Variants in NEK7 observed in about 807,000 individuals in gnomAD.
NEK7 encodes the protein serine/threonine-protein kinase Nek7.
In NEK7, 18 loss-of-function variants were observed where a neutral mutation model predicts 44.6. The ratio of observed to expected loss-of-function variants is 0.40; its 90% confidence interval spans 0.28 to 0.60. The LOEUF (loss-of-function observed/expected upper bound fraction) is 0.60. Among genes scored for constraint, NEK7 ranks in the 20% least tolerant of loss-of-function variants. The pLI is 0.38. For synonymous variants in NEK7, 130 were observed against 121.1 expected (o/e 1.07, Z -0.48); for missense variants, 256 against 366.5 (o/e 0.70, Z 2.46).
At chr1:198,188,547 T>C (rs1286754256) in intron 1 of NEK7, among the ~76,000 whole-genome samples, 1 of 152,070 alleles carries the variant, frequency 6.6e-6, no homozygotes, top group Non-Finnish European at 1.5e-5. Flanking sequence ...GCAGTTGTAC[T>C]GAAGTCCCTG....
chr1:198,314,318 C>T (rs1025955419), intron 9 of NEK7, among the ~76,000 whole-genome samples: 6 of 152,106 alleles, frequency 3.9e-5, no homozygotes, highest in African/African-American at 9.7e-5. Context: ...AATGGTTATT[C>T]TAGTTATACA....
chr1:198,300,890 A>C (rs1654862723), intron 9 of NEK7, among the ~76,000 whole-genome samples: 1 of 152,178 alleles, frequency 6.6e-6, no homozygotes. Context: ...TCTTTTATTG[A>C]TATTACTTTC....
intron 9 of NEK7, among the ~76,000 whole-genome samples, chr1:198,301,423 G>A (rs778624809): frequency 5.3e-4 from 80 of 152,314 alleles, no homozygotes; most frequent in Non-Finnish European, 2.4e-4. Context: ...GGTGGCGGGC[G>A]CCTGTAGTCC....
intron 2 of NEK7, among the ~76,000 whole-genome samples, chr1:198,251,749 A>G (rs564253696): frequency 4.2e-4 from 63 of 151,668 alleles, no homozygotes; most frequent in South Asian, 1.0e-3. Context: ...TATTGCGTCT[A>G]TTTGATTCTT....
At chr1:198,197,842 CT>C in intron 1 of NEK7, 1 of 864,388 alleles carries the variant, frequency 1.2e-6, no homozygotes, top group Non-Finnish European at 2.0e-6. Flanking sequence ...GCTTGTGCAT[CT>C]TTTTGTGAGC....
chr1:198,288,954 A>G (rs1241890863), intron 7 of NEK7, among the ~76,000 whole-genome samples: 1 of 152,192 alleles, frequency 6.6e-6, no homozygotes, highest in Non-Finnish European at 1.5e-5. Context: ...TTTATTTTAT[A>G]AATGTCTTTT....
At chr1:198,195,151 C>A (rs1413350329) in intron 1 of NEK7, among the ~76,000 whole-genome samples, 1 of 152,026 alleles carries the variant, frequency 6.6e-6, no homozygotes, top group Non-Finnish European at 1.5e-5. Context: ...TCTGGCTTGT[C>A]ACCATCTGTA....
intron 2 of NEK7, among the ~76,000 whole-genome samples, chr1:198,241,452 G>A (rs1051898301): frequency 6.6e-6 from 1 of 152,194 alleles, no homozygotes; most frequent in African/African-American, 2.4e-5. Flanking sequence ...TGTCCCTTAG[G>A]GGGTCAGGGG....
Position 198,242,257 on chromosome 1 carries a change from A to G in NEK7, c.57+9620A>G, listed in dbSNP as rs563049285. Among the ~76,000 whole-genome samples, 9 of 152,200 alleles carry G rather than the reference A, an allele frequency of 5.9e-5. 1 individual carries two copies. The South Asian group carries it at 1.9e-3, about 32-fold the overall frequency. On this transcript the variant is annotated intron_variant, in intron 2 of 9. Coordinates refer to ENST00000367385, the MANE Select transcript of NEK7 (RefSeq NM_133494.3). ...CATCCTCCTTCCCAGTTCTCCATGCAGCATCATGAGTTATTTTTGTAAAAT... is the reference window on the plus strand; with the variant it reads ...CATCCTCCTTCCCAGTTCTCCATGCGGCATCATGAGTTATTTTTGTAAAAT...
intron 9 of NEK7, among the ~76,000 whole-genome samples, chr1:198,304,019 G>A (rs558661167): frequency 1.3e-5 from 2 of 152,192 alleles, no homozygotes; most frequent in Admixed American, 6.5e-5. Flanking sequence ...CTTGCTGAAA[G>A]TTGCCATGTA....
chr1:198,223,790 T>A (rs149909773), intron 1 of NEK7, among the ~76,000 whole-genome samples: 1 of 152,168 alleles, frequency 6.6e-6, no homozygotes, highest in African/African-American at 2.4e-5. Context: ...TAAAGACTTT[T>A]TGGATGAGAT....
chr1:198,301,593 G>C (rs1654887935), intron 9 of NEK7, among the ~76,000 whole-genome samples: 1 of 152,178 alleles, frequency 6.6e-6, no homozygotes, highest in East Asian at 1.9e-4. Context: ...TTTCATGTTA[G>C]GTTTGAGGAG....
Position 198,279,065 on chromosome 1 carries a change from A to G in NEK7, c.589+4A>G, listed in dbSNP as rs1654109301. ...ACCACAGCTGCACATTCTTTAGGTA[A>G]GAGACACAATATAATTTCATTCAGT... On this transcript the variant is annotated splice_donor_region_variant and intron_variant, in intron 7 of 9. Transcript: ENST00000367385. 1.3e-6 allele frequency: 2 copies of G among 1,556,576 alleles called. No homozygotes were observed. Among genetic ancestry groups the G allele is most frequent in the Non-Finnish European group, 1.8e-6 (2 of 1,128,418 alleles).
At chr1:198,284,352 G>A (rs564605203) in intron 7 of NEK7, among the ~76,000 whole-genome samples, 18 of 151,876 alleles carry the variant, frequency 1.2e-4, no homozygotes, top group Non-Finnish European at 4.4e-5. Context: ...TACTATATTC[G>A]GCTTTGTTAC....
At chr1:198,228,743 GC>G (rs1666300628) in intron 1 of NEK7, among the ~76,000 whole-genome samples, 1 of 152,130 alleles carries the variant, frequency 6.6e-6, no homozygotes, top group Admixed American at 6.5e-5. Flanking sequence ...TGCTGAAGTT[GC>G]CTATCAGCTT....
chr1:198,268,504 A>G (rs546647842), intron 5 of NEK7, among the ~76,000 whole-genome samples: 2 of 151,766 alleles, frequency 1.3e-5, no homozygotes, highest in South Asian at 2.1e-4. Context: ...TTCTCTCCCT[A>G]TCGTCTCTCA....
intron 7 of NEK7, among the ~76,000 whole-genome samples, chr1:198,280,213 C>T: frequency 6.6e-6 from 1 of 152,116 alleles, no homozygotes; most frequent in Middle Eastern, 3.4e-3. Flanking sequence ...ACAGTACATG[C>T]AATACAAAGA....
intron 1 of NEK7, among the ~76,000 whole-genome samples, chr1:198,176,028 C>T (rs943070397): frequency 1.3e-5 from 2 of 152,090 alleles, no homozygotes; most frequent in South Asian, 2.1e-4. Flanking sequence ...AGACACAGGG[C>T]GGATATGTTG....
intron 2 of NEK7, among the ~76,000 whole-genome samples, chr1:198,246,862 A>T (rs561724103): frequency 5.6e-4 from 85 of 152,370 alleles, no homozygotes; most frequent in African/African-American, 1.9e-3. Context: ...CATTAAGTGA[A>T]AGAATGGTCT....
Sources: allele counts gnomAD v4.1 joint callset (sites outside exome capture counted in the v4.1 genomes callset), GRCh38; gene constraint gnomAD v4.1.1; transcripts MANE v1.5; gene names NCBI Gene and HGNC (gene_info 2026-07-23, HGNC 2026-07-21).